Variants in CNTNAP2 observed in about 807,000 individuals in gnomAD.
The protein encoded by CNTNAP2 is contactin associated protein 2.
Under a neutral mutation model 155.2 loss-of-function variants are expected in CNTNAP2, and 98 were observed. That is an observed-to-expected ratio of 0.63 (90% CI 0.54 to 0.75). The LOEUF is 0.75. CNTNAP2 is among the 30% of genes least tolerant of loss of function. CNTNAP2 has a pLI of 0.00. For synonymous variants in CNTNAP2, 651 were observed against 631.2 expected (o/e 1.03, Z -0.47); for missense variants, 1,727 against 1,688.1 (o/e 1.02, Z -0.40).
chr7:148,171,581 A>T lies in CNTNAP2; in HGVS notation c.2774-661A>T, dbSNP rs1296844940. On this transcript the variant is annotated intron_variant, in intron 17 of 23. Transcript: ENST00000361727. The stretch of plus-strand genomic sequence containing the variant: ...TAACTTACTCCAAAAATCACAGTGA[A>T]CGTGCTTATTGTGCTATATGTCGTG... Among the ~76,000 whole-genome samples the T allele has an allele frequency of 2.0e-5, 3 of 152,220 alleles. No individual in the cohort carries two copies. The East Asian group carries it at 5.8e-4, about 29-fold the overall frequency.
chr7:147,651,686 A>AATTGCCACTGTTCTAACTTTGTT (rs1407100285), intron 13 of CNTNAP2, among the ~76,000 whole-genome samples: 15 of 152,354 alleles, frequency 9.8e-5, no homozygotes, highest in Admixed American at 4.6e-4. Context: ...AGTTAGAACA[A>AATTGCCACTGTTCTAACTTTGTT]TGGCAATTTG....
At chr7:148,219,739 G>C (rs1202329914) in intron 19 of CNTNAP2, among the ~76,000 whole-genome samples, 1 of 152,132 alleles carries the variant, frequency 6.6e-6, no homozygotes, top group South Asian at 2.1e-4. Flanking sequence ...AAGGCTGAGG[G>C]GGGAGGATCG....
intron 1 of CNTNAP2, among the ~76,000 whole-genome samples, chr7:146,600,714 T>C (rs1798938305): frequency 6.6e-6 from 1 of 152,176 alleles, no homozygotes; most frequent in African/African-American, 2.4e-5. Context: ...ACTTATCCTT[T>C]TTATGACCCA....
chr7:147,700,942 G>A lies in CNTNAP2; in HGVS notation c.2098+61636G>A, dbSNP rs193181827. Among the ~76,000 whole-genome samples, 44 of 152,278 alleles carry A rather than the reference G, an allele frequency of 2.9e-4. No homozygotes were observed. In the East Asian group the frequency reaches 3.7e-3, roughly 13 times the overall value. ...GACTAATTCTGGAGAGTGGAACACC[G>A]CTGGGCAGGGGGTCTCTGTGCTGTG... On this transcript the variant is annotated intron_variant, in intron 13 of 23. Transcript: ENST00000361727.
intron 21 of CNTNAP2, among the ~76,000 whole-genome samples, chr7:148,291,380 G>A (rs1033162661): frequency 2.0e-5 from 3 of 151,812 alleles, no homozygotes; most frequent in African/African-American, 7.3e-5. Context: ...ACCATCTGCA[G>A]GCTGAAGAGC....
At chr7:147,019,256 T>G (rs1798778648) in intron 3 of CNTNAP2, among the ~76,000 whole-genome samples, 1 of 152,072 alleles carries the variant, frequency 6.6e-6, no homozygotes, top group South Asian at 2.1e-4. Context: ...TTTCTACATA[T>G]TATTTTTCTC....
rs553692244 is a variant in CNTNAP2 at position 147,351,503 on chromosome 7, T to TTC, written c.1499-44104_1499-44103dup. On this transcript the variant is annotated intron_variant, in intron 9 of 23. Transcript: ENST00000361727. ...CTAAAGTTTAGATGACTATAAATTATTCTTAAACAGTTATGTTTTGCCTAT... is the reference window on the plus strand; with the variant it reads ...CTAAAGTTTAGATGACTATAAATTATTCTCTTAAACAGTTATGTTTTGCCTAT... 1.1e-3 allele frequency among the ~76,000 whole-genome samples: 163 copies of TTC among 151,992 alleles called. 1 individual carries two copies. The highest frequency in any genetic ancestry group is 3.7e-3 in the African/African-American group (154 of 41,540).
chr7:146,540,982 T>C (rs1455663446), intron 1 of CNTNAP2, among the ~76,000 whole-genome samples: 3 of 152,034 alleles, frequency 2.0e-5, no homozygotes, highest in Non-Finnish European at 4.4e-5. Flanking sequence ...ATCATTTTTA[T>C]TTTTGATAGC....
chr7:146,793,723 T>A (rs552447644), intron 2 of CNTNAP2, among the ~76,000 whole-genome samples: 1 of 152,294 alleles, frequency 6.6e-6, no homozygotes, highest in South Asian at 2.1e-4. Flanking sequence ...CTCCAGCCTT[T>A]GGGCAGCTGT....
intron 10 of CNTNAP2, among the ~76,000 whole-genome samples, chr7:147,431,387 T>C (rs1797464340): frequency 2.0e-5 from 3 of 152,150 alleles, no homozygotes; most frequent in African/African-American, 7.2e-5. Flanking sequence ...ACTATAAACT[T>C]TTCCCTGTAT....
At chr7:147,102,698 A>G (rs1386425344) in intron 4 of CNTNAP2, among the ~76,000 whole-genome samples, 2 of 152,198 alleles carry the variant, frequency 1.3e-5, no homozygotes, top group Non-Finnish European at 2.9e-5. Flanking sequence ...GAGAAGGCTC[A>G]TTTGCTACTA....
At chr7:147,035,450 A>G (rs745889245) in intron 3 of CNTNAP2, among the ~76,000 whole-genome samples, 1 of 152,248 alleles carries the variant, frequency 6.6e-6, no homozygotes, top group South Asian at 2.1e-4. Context: ...AAGAAATAAA[A>G]TTTCAATTAA....
chr7:147,632,657 G>T (rs1795106437), intron 12 of CNTNAP2, among the ~76,000 whole-genome samples: 1 of 152,122 alleles, frequency 6.6e-6, no homozygotes, highest in South Asian at 2.1e-4. Context: ...ACAGTAAATT[G>T]GTACTGGGTA....
At chr7:147,048,176 G>C (rs779214139) in intron 4 of CNTNAP2, among the ~76,000 whole-genome samples, 1 of 145,954 alleles carries the variant, frequency 6.9e-6, no homozygotes, top group African/African-American at 2.6e-5. Flanking sequence ...CCGGGTTCAC[G>C]CCATTCTCCT....
chr7:147,098,876 G>A (rs932239598), intron 4 of CNTNAP2, among the ~76,000 whole-genome samples: 3 of 152,050 alleles, frequency 2.0e-5, no homozygotes. Context: ...TCTTCTCTGA[G>A]CATTGAAGTT....
intron 1 of CNTNAP2, among the ~76,000 whole-genome samples, chr7:146,149,468 G>A (rs2116772171): frequency 6.6e-6 from 1 of 152,136 alleles, no homozygotes; most frequent in South Asian, 2.1e-4. Context: ...ACCTAAATTT[G>A]CCCATCAAAT....
intron 13 of CNTNAP2, among the ~76,000 whole-genome samples, chr7:147,722,773 C>T (rs148824952): frequency 0.016 from 2,477 of 152,182 alleles, 218 homozygotes; most frequent in Admixed American, 0.15. Flanking sequence ...GTAAATTAAA[C>T]TGCAACACCT....
intron 17 of CNTNAP2, among the ~76,000 whole-genome samples, chr7:148,171,241 C>T (rs147648453): frequency 6.6e-6 from 1 of 152,226 alleles, no homozygotes; most frequent in East Asian, 1.9e-4. Flanking sequence ...ATGTAGCCCT[C>T]AATGAAGGAG....
intron 10 of CNTNAP2, among the ~76,000 whole-genome samples, chr7:147,470,076 G>A (rs1432212294): frequency 6.6e-6 from 1 of 152,124 alleles, no homozygotes; most frequent in Non-Finnish European, 1.5e-5. Flanking sequence ...GTAATTTAGG[G>A]CTCCATAGAC....
Sources: allele counts gnomAD v4.1 joint callset (sites outside exome capture counted in the v4.1 genomes callset), GRCh38; gene constraint gnomAD v4.1.1; transcripts MANE v1.5; gene names NCBI Gene and HGNC (gene_info 2026-07-23, HGNC 2026-07-21).